NPFFR1: variants seen among roughly 807,000 people sequenced by gnomAD.
The protein encoded by NPFFR1 is neuropeptide FF receptor 1.
Under a neutral mutation model 12.7 loss-of-function variants are expected in NPFFR1, and 17 were observed. That is an observed-to-expected ratio of 1.34 (90% confidence interval 0.92 to 2.01). The LOEUF (loss-of-function observed/expected upper bound fraction) is 2.01. NPFFR1 is among the 30% of genes most tolerant of loss of function. NPFFR1 has a pLI of 0.00. For synonymous variants in NPFFR1, 296 were observed against 264.5 expected, an observed-to-expected ratio of 1.12 and a Z score of -1.16; for missense variants, 604 against 606.5, an observed-to-expected ratio of 1.00 and a Z score of 0.04.
intron 1 of NPFFR1, among the ~76,000 whole-genome samples, chr10:70,268,949 A>G (rs1840724073): frequency 2.0e-5 from 3 of 152,278 alleles, no homozygotes. Flanking sequence ...CACCATCCCC[A>G]TATTGCATTT....
At chr10:70,271,919 C>A (rs1159036967) in intron 1 of NPFFR1, among the ~76,000 whole-genome samples, 1 of 151,966 alleles carries the variant, frequency 6.6e-6, no homozygotes, top group Admixed American at 6.6e-5. Flanking sequence ...GAGTTCAAGA[C>A]CAGCCTGATC....
chr10:70,275,825 A>G (rs1209193904), intron 1 of NPFFR1, among the ~76,000 whole-genome samples: 3 of 152,208 alleles, frequency 2.0e-5, no homozygotes, highest in African/African-American at 7.2e-5. Flanking sequence ...TACAACATCA[A>G]GCTATCTCTG....
chr10:70,273,374 T>C (rs1840769246), intron 1 of NPFFR1, among the ~76,000 whole-genome samples: 1 of 152,264 alleles, frequency 6.6e-6, no homozygotes, highest in Non-Finnish European at 1.5e-5. Context: ...CATCAAATTC[T>C]TTAAGACTCT....
intron 3 of NPFFR1, among the ~76,000 whole-genome samples, chr10:70,259,241 G>T (rs1056253116): frequency 6.6e-6 from 1 of 150,854 alleles, no homozygotes; most frequent in Non-Finnish European, 1.5e-5. Context: ...AGCCAAGATC[G>T]CCATGGCACT....
At position 70,255,902 on chromosome 10, in the gene NPFFR1, G is replaced by A. The variant is rs1589908930; in HGVS notation, c.423-75C>T. On this transcript the variant is annotated intron_variant, in intron 3 of 3. Coordinates refer to ENST00000277942, the MANE Select transcript of NPFFR1 (RefSeq NM_022146.5). The surrounding 1 kb of genome is among the most constrained non-coding windows in gnomAD (Gnocchi z 4.2). ...TGCGAGGGGACGGTGGGTGGGATGC[G>A]GGCACCTGACCTTCATCATCGCATC... The A allele has an allele frequency of 2.1e-6, 3 of 1,463,300 alleles. No individual in the cohort carries two copies. The highest frequency in any genetic ancestry group is 4.9e-5 in the East Asian group (2 of 40,568). The allele number at this position is 1,463,300 out of a possible 1,614,324, so 90.6% of individuals were successfully genotyped here.
chr10:70,271,591 G>A (rs1476222094), intron 1 of NPFFR1, among the ~76,000 whole-genome samples: 1 of 152,050 alleles, frequency 6.6e-6, no homozygotes, highest in Non-Finnish European at 1.5e-5. Context: ...CCTAGGGTAG[G>A]TCATGTCATC....
chr10:70,272,218 A>AAGAG lies in NPFFR1; in HGVS notation c.8-5828_8-5827insCTCT, dbSNP rs1277036005. 7.0e-3 allele frequency among the ~76,000 whole-genome samples: 57 copies of AAGAG among 8,124 alleles called. 2 individuals carry two copies. Among genetic ancestry groups the AAGAG allele is most frequent in the South Asian group, 0.011 (4 of 354 alleles). The allele number at this position is 8,124 out of a possible 152,430, so 5.3% of individuals were successfully genotyped here. ...AAGAAAGAAAGAAAGAAAGGAAAGAAAGAAAGAAAGAAAGAAAGAAAGAAA... is the reference window on the plus strand; with the variant it reads ...AAGAAAGAAAGAAAGAAAGGAAAGAAAGAGAGAAAGAAAGAAAGAAAGAAAGAAA... On this transcript the variant is annotated intron_variant, in intron 1 of 3. Coordinates refer to ENST00000277942, the MANE Select transcript of NPFFR1 (RefSeq NM_022146.5).
chr10:70,265,796 G>T (rs1473903206), intron 2 of NPFFR1, among the ~76,000 whole-genome samples: 1 of 152,206 alleles, frequency 6.6e-6, no homozygotes, highest in Non-Finnish European at 1.5e-5. Flanking sequence ...AAATGGGGAG[G>T]ACCATAAACT....
chr10:70,272,292 T>C (rs1456253644), intron 1 of NPFFR1, among the ~76,000 whole-genome samples: 3 of 150,646 alleles, frequency 2.0e-5, no homozygotes, highest in Admixed American at 1.3e-4. Flanking sequence ...CCTAAATGAA[T>C]GAGCTTAACC....
chr10:70,259,614 G>A (rs1392164570), intron 3 of NPFFR1, among the ~76,000 whole-genome samples: 1 of 152,178 alleles, frequency 6.6e-6, no homozygotes, highest in South Asian at 2.1e-4. Context: ...ACTTCACTGA[G>A]TTACAAAAAA....
chr10:70,266,829 C>T (rs1237205824), intron 1 of NPFFR1, among the ~76,000 whole-genome samples: 1 of 152,216 alleles, frequency 6.6e-6, no homozygotes, highest in African/African-American at 2.4e-5. Context: ...TCTTCTGATT[C>T]CCTTCCTGCC....
intron 1 of NPFFR1, among the ~76,000 whole-genome samples, chr10:70,268,581 G>A (rs1447271832): frequency 3.3e-5 from 5 of 152,174 alleles, no homozygotes; most frequent in African/African-American, 1.2e-4. Flanking sequence ...GGGGCTGGGA[G>A]GTCCAAGGTG....
rs1448112865 is a variant in NPFFR1, at chr10:70,249,059, T to C, written c.*5898A>G. The C allele has an allele frequency of 6.6e-6, 1 of 152,150 alleles. No homozygotes were observed. Among genetic ancestry groups the C allele is most frequent in the Non-Finnish European group, 1.5e-5 (1 of 68,038 alleles). 9.4% of individuals were successfully genotyped at this position (152,150 alleles called of 1,614,324 possible). On this transcript the variant is annotated 3_prime_UTR_variant, in exon 4 of 4. Transcript: ENST00000277942. ...TGTTCAAATAGCCCTCCTACTTCTA[T>C]CACACTATATCCTCTTACCTTGCTT...
chr10:70,261,596 G>A (rs1308449380), intron 2 of NPFFR1, among the ~76,000 whole-genome samples: 2 of 152,108 alleles, frequency 1.3e-5, no homozygotes, highest in Non-Finnish European at 2.9e-5. Context: ...GCTTTAGACC[G>A]TCCAGCCCTG....
rs1375648462 is a variant in NPFFR1, at chr10:70,252,744, T to G, written c.*2213A>C. 4.6e-5 allele frequency: 7 copies of G among 152,208 alleles called. No homozygotes were observed. The highest frequency in any genetic ancestry group is 8.8e-5 in the Non-Finnish European group (6 of 68,030). 9.4% of individuals were successfully genotyped at this position (152,208 alleles called of 1,614,324 possible). ...GCTGAAGGAGTTTTTTGGGCAGTTA[T>G]AACCTTTCAAAGCATGACATCTTTT... On this transcript the variant is annotated 3_prime_UTR_variant, in exon 4 of 4. Coordinates refer to ENST00000277942, the MANE Select transcript of NPFFR1 (RefSeq NM_022146.5).
At chr10:70,256,192 C>A (rs959009967) in intron 3 of NPFFR1, among the ~76,000 whole-genome samples, 1 of 152,000 alleles carries the variant, frequency 6.6e-6, no homozygotes, top group Non-Finnish European at 1.5e-5. Context: ...TCTCCTCCCA[C>A]CTCAGCCTCC....
At chr10:70,271,525 A>G (rs1470954896) in intron 1 of NPFFR1, among the ~76,000 whole-genome samples, 4 of 152,118 alleles carry the variant, frequency 2.6e-5, no homozygotes, top group African/African-American at 9.7e-5. Flanking sequence ...ATAAAAAATA[A>G]AAAATAATTA....
intron 1 of NPFFR1, among the ~76,000 whole-genome samples, chr10:70,281,840 C>T (rs1840865782): frequency 6.6e-6 from 1 of 152,100 alleles, no homozygotes; most frequent in Non-Finnish European, 1.5e-5. Context: ...GATGAACATG[C>T]TCAGGCACAC....
chr10:70,256,196 A>G (rs1171103309), intron 3 of NPFFR1, among the ~76,000 whole-genome samples: 1 of 150,578 alleles, frequency 6.6e-6, no homozygotes, highest in Non-Finnish European at 1.5e-5. Context: ...CTCCCACCTC[A>G]GCCTCCTGAG....
Sources: gnomAD v4.1 joint callset for allele counts (sites outside exome capture counted in the v4.1 genomes callset) on GRCh38, gnomAD v4.1.1 for gene constraint, Gnocchi (gnomAD v3.1) non-coding constraint, MANE v1.5 for transcripts, NCBI Gene and HGNC (gene_info 2026-07-23, HGNC 2026-07-21) for gene names.